Variants in SSH2 observed in about 807,000 individuals in gnomAD.
SSH2 encodes slingshot protein phosphatase 2.
In SSH2, 37 loss-of-function variants were observed where a neutral mutation model predicts 135.2. The ratio of observed to expected loss-of-function variants is 0.27; its 90% confidence interval spans 0.21 to 0.36. SSH2 has a LOEUF of 0.36. Ranked by LOEUF, SSH2 falls within the 10% of genes least tolerant of loss-of-function variation. SSH2 has a pLI of 1.00. For missense variants in SSH2, 1,408 were observed against 1,765.3 expected (o/e 0.80, Z 3.63); for synonymous variants, 628 against 646.2 (o/e 0.97, Z 0.43).
intron 2 of SSH2, among the ~76,000 whole-genome samples, chr17:29,804,291 C>T (rs897399169): frequency 6.6e-6 from 1 of 152,198 alleles, no homozygotes; most frequent in Non-Finnish European, 1.5e-5. Context: ...CTGTGAGACA[C>T]CTACTATTTC....
intron 1 of SSH2, among the ~76,000 whole-genome samples, chr17:29,859,367 G>T (rs1191947359): frequency 6.6e-6 from 1 of 151,932 alleles, no homozygotes. Flanking sequence ...TGTCACAGGG[G>T]TTTGCTTTAT....
At chr17:29,662,994 C>T (rs1269422153) in intron 11 of SSH2, among the ~76,000 whole-genome samples, 5 of 152,208 alleles carry the variant, frequency 3.3e-5, no homozygotes, top group Admixed American at 2.6e-4. Context: ...GGACAGCCTC[C>T]AGGAGAGCTG....
chr17:29,919,777 G>A (rs758879096), intron 1 of SSH2, among the ~76,000 whole-genome samples: 10 of 151,096 alleles, frequency 6.6e-5, no homozygotes, highest in Non-Finnish European at 1.5e-4. Context: ...TTTTTTAATG[G>A]ATTAACAAAT....
At chr17:29,669,334 G>A (rs1410251095) in intron 9 of SSH2, among the ~76,000 whole-genome samples, 2 of 152,068 alleles carry the variant, frequency 1.3e-5, no homozygotes, top group Admixed American at 1.3e-4. Flanking sequence ...ATGAAGTGCT[G>A]GGCATAACAC....
chr17:29,821,208 A>G (rs977033843), intron 2 of SSH2, among the ~76,000 whole-genome samples: 2 of 152,124 alleles, frequency 1.3e-5, no homozygotes, highest in Admixed American at 1.3e-4. Flanking sequence ...TCTCGCCTTT[A>G]TCTTCTTCCT....
At chr17:29,649,883 A>G (rs994709799) in intron 13 of SSH2, among the ~76,000 whole-genome samples, 13 of 152,362 alleles carry the variant, frequency 8.5e-5, no homozygotes, top group African/African-American at 3.1e-4. Flanking sequence ...AACTAAGAGG[A>G]AGAACTTCCT....
In SSH2 at chr17:29,698,400, TATGAG is replaced by T. The variant is rs1267173295; in HGVS notation, c.293-2882_293-2878del. On this transcript the variant is annotated intron_variant, in intron 4 of 15. Transcript: ENST00000540801. ...GTTAAACAAAAAATAAAAGAACAAGTATGAGGAGACAAAGTGTTAGGTATAAACAG... is the reference window on the plus strand; with the variant it reads ...GTTAAACAAAAAATAAAAGAACAAGTGAGACAAAGTGTTAGGTATAAACAG... Among the ~76,000 whole-genome samples the T allele has an allele frequency of 2.6e-5, 4 of 152,160 alleles. No homozygotes were observed. The South Asian group carries it at 6.2e-4, about 24-fold the overall frequency.
At chr17:29,791,994 C>T (rs2042076042) in intron 3 of SSH2, among the ~76,000 whole-genome samples, 1 of 149,454 alleles carries the variant, frequency 6.7e-6, no homozygotes, top group Non-Finnish European at 1.5e-5. Flanking sequence ...GTGGTCTCTG[C>T]TCACTGCAAC....
Position 29,631,333 on chromosome 17 carries a change from G to T in SSH2, c.3861C>A (p.Leu1287=). The T allele has an allele frequency of 6.2e-7, 1 of 1,614,164 alleles. No individual in the cohort carries two copies. Among genetic ancestry groups the T allele is most frequent in the African/African-American group, 1.3e-5 (1 of 75,024 alleles). The change falls in exon 16 of 16, where the codon CTC becomes CTA. Residue 1287 remains leucine, a synonymous_variant. Coordinates refer to ENST00000540801, the MANE Select transcript of SSH2 (RefSeq NM_001282129.2). ...AGAGGTCCAAGTAACCTAATTTGGCGAGAGAAGCTGAGCGCCTCATTTGGG... is the reference window on the plus strand; with the variant it reads ...AGAGGTCCAAGTAACCTAATTTGGCTAGAGAAGCTGAGCGCCTCATTTGGG... ...KPSQMRRSAS[L]AKLGYLDLCK... is the part of the protein sequence containing the mutation.
chr17:29,649,059 T>C (rs2036492648), intron 13 of SSH2, among the ~76,000 whole-genome samples: 1 of 151,554 alleles, frequency 6.6e-6, no homozygotes, highest in South Asian at 2.1e-4. Flanking sequence ...GAGAATTGCT[T>C]AAACCTGGGA....
chr17:29,877,559 C>T (rs531864345), intron 1 of SSH2, among the ~76,000 whole-genome samples: 1 of 152,224 alleles, frequency 6.6e-6, no homozygotes. Context: ...AAATGAGATC[C>T]TGTCATTTGC....
intron 14 of SSH2, chr17:29,643,282 G>A (rs1598704983): frequency 7.1e-6 from 7 of 985,270 alleles, no homozygotes; most frequent in Non-Finnish European, 8.4e-6. Flanking sequence ...ATAGATTGCA[G>A]ACCCTAACAG....
chr17:29,633,696 C>T (rs2035782444), intron 15 of SSH2, among the ~76,000 whole-genome samples: 1 of 152,136 alleles, frequency 6.6e-6, no homozygotes, highest in Admixed American at 6.5e-5. Flanking sequence ...TATAAATTCC[C>T]AGGTGGATTT....
At chr17:29,677,601 G>T in intron 7 of SSH2, 72 bp downstream of exon 7, 4 of 1,285,350 alleles carry the variant, frequency 3.1e-6, no homozygotes, top group South Asian at 1.2e-5. Context: ...CCTTTTAGCT[G>T]AATGAATGTG....
rs769193496 is a variant in SSH2 at position 29,672,028 on chromosome 17, T to C, written c.716A>G (p.His239Arg). 9.3e-6 allele frequency: 15 copies of C among 1,614,108 alleles called. No individual in the cohort carries two copies. Among genetic ancestry groups the C allele is most frequent in the East Asian group, 2.2e-5 (1 of 44,898 alleles). Reference sequence around the variant, plus strand: ...GACTGAGGATTGATCTGAGTTGATATGGCTCTCATAATAACTCACCCAAGT... The same window carrying C: ...GACTGAGGATTGATCTGAGTTGATACGGCTCTCATAATAACTCACCCAAGT... ...FLTWVSYYES[H>R]INSDQSSVNE... Residue 239 changes from histidine (H) to arginine (R), a missense_variant, in exon 9 of 16, where the codon CAT becomes CGT. Transcript: ENST00000540801.
At chr17:29,768,741 G>A (rs1233997804) in intron 3 of SSH2, among the ~76,000 whole-genome samples, 1 of 152,148 alleles carries the variant, frequency 6.6e-6, no homozygotes, top group Non-Finnish European at 1.5e-5. Flanking sequence ...CATTATAGGT[G>A]AATGAACCTA....
chr17:29,781,445 A>G (rs1199707463), intron 3 of SSH2, among the ~76,000 whole-genome samples: 1 of 148,302 alleles, frequency 6.7e-6, no homozygotes, highest in East Asian at 2.0e-4. Flanking sequence ...CATCTCTTAT[A>G]TAAGGACATG....
chr17:29,707,094 A>C (rs900683283), intron 3 of SSH2: 2 of 151,416 alleles, frequency 1.3e-5, no homozygotes, highest in Non-Finnish European at 2.9e-5. Flanking sequence ...CGGAGCTTGC[A>C]GTGAGCCGAG....
At chr17:29,633,609 T>C (rs762582097) in intron 15 of SSH2, among the ~76,000 whole-genome samples, 14 of 152,198 alleles carry the variant, frequency 9.2e-5, no homozygotes, top group Non-Finnish European at 1.9e-4. Flanking sequence ...CTGGGAAAGG[T>C]TTACTTGGCT....
Sources: gnomAD v4.1 joint callset for allele counts (sites outside exome capture counted in the v4.1 genomes callset) on GRCh38, gnomAD v4.1.1 for gene constraint, MANE v1.5 for transcripts, NCBI Gene and HGNC (gene_info 2026-07-23, HGNC 2026-07-21) for gene names.